The following AGBL1 variants were observed in gnomAD, a reference collection of about 807,000 sequenced individuals.
The protein encoded by AGBL1 is AGBL carboxypeptidase 1.
AGBL1 carries 130 observed loss-of-function variants against 118.9 expected under a neutral mutation model. The observed-to-expected ratio is 1.09, with a 90% CI of 0.95 to 1.26. AGBL1 has a LOEUF of 1.26. AGBL1 is among the 50% of genes most tolerant of loss of function. The probability of loss-of-function intolerance (pLI) is 0.00; values close to 1 mark genes in which losing one functional copy is unlikely to be tolerated. For synonymous variants in AGBL1, 555 were observed against 478.9 expected, an observed-to-expected ratio of 1.16 and a Z score of -2.08; for missense variants, 1,584 against 1,298.1, an observed-to-expected ratio of 1.22 and a Z score of -3.38.
At chr15:86,579,582 G>A (rs1476072330) in intron 21 of AGBL1, among the ~76,000 whole-genome samples, 1 of 152,098 alleles carries the variant, frequency 6.6e-6, no homozygotes, top group Admixed American at 6.6e-5. Flanking sequence ...GCAGAAGTAA[G>A]CAATGGTCAG....
At chr15:86,679,869 C>T (rs1445245647) in intron 22 of AGBL1, among the ~76,000 whole-genome samples, 1 of 151,990 alleles carries the variant, frequency 6.6e-6, no homozygotes, top group Non-Finnish European at 1.5e-5. Flanking sequence ...CTTTACATTT[C>T]TAAGGAAAAT....
chr15:86,490,586 AT>A (rs1394434128), intron 18 of AGBL1, among the ~76,000 whole-genome samples: 3 of 152,050 alleles, frequency 2.0e-5, no homozygotes, highest in African/African-American at 7.2e-5. Context: ...GACAATACCA[AT>A]GTTCTAGAAC....
chr15:86,246,232 G>A (rs2078718900), intron 6 of AGBL1, among the ~76,000 whole-genome samples: 1 of 152,188 alleles, frequency 6.6e-6, no homozygotes, highest in Admixed American at 6.5e-5. Flanking sequence ...AAGAGTGGCT[G>A]TAAGCCACTG....
intron 22 of AGBL1, among the ~76,000 whole-genome samples, chr15:86,849,780 C>A (rs1175327130): frequency 1.3e-5 from 2 of 152,208 alleles, no homozygotes; most frequent in Non-Finnish European, 2.9e-5. Context: ...AGATCCTCAT[C>A]CTAGGCAGCG....
At chr15:86,608,711 C>A (rs2084618028) in intron 21 of AGBL1, among the ~76,000 whole-genome samples, 1 of 152,200 alleles carries the variant, frequency 6.6e-6, no homozygotes, top group African/African-American at 2.4e-5. Flanking sequence ...AGAACAGCTG[C>A]TATTCAGTGT....
chr15:86,353,997 C>A (rs2080672558), intron 17 of AGBL1, among the ~76,000 whole-genome samples: 1 of 152,142 alleles, frequency 6.6e-6, no homozygotes, highest in Non-Finnish European at 1.5e-5. Context: ...CAGAACAATA[C>A]TTTAATTTCA....
chr15:86,676,982 C>T (rs948131336), intron 22 of AGBL1, among the ~76,000 whole-genome samples: 1 of 152,096 alleles, frequency 6.6e-6, no homozygotes, highest in Non-Finnish European at 1.5e-5. Context: ...TGGCACTGCA[C>T]TCCAGCCTGG....
At chr15:86,529,634 G>A (rs867105999) in intron 19 of AGBL1, among the ~76,000 whole-genome samples, 144 of 135,092 alleles carry the variant, frequency 1.1e-3, no homozygotes, top group African/African-American at 4.5e-3. Context: ...CTCGAGAAGA[G>A]CAACTCCAAG....
intron 22 of AGBL1, among the ~76,000 whole-genome samples, chr15:86,727,287 T>C (rs1422923425): frequency 6.6e-6 from 1 of 152,148 alleles, no homozygotes; most frequent in Non-Finnish European, 1.5e-5. Context: ...AGGGAGACTC[T>C]CTTGGCCAGG....
chr15:86,810,899 G>T (rs140576897), intron 22 of AGBL1, among the ~76,000 whole-genome samples: 1 of 152,172 alleles, frequency 6.6e-6, no homozygotes, highest in Non-Finnish European at 1.5e-5. Flanking sequence ...AGCTCTGGAG[G>T]GGAAATTGTT....
intron 18 of AGBL1, among the ~76,000 whole-genome samples, chr15:86,402,463 G>C (rs1371171787): frequency 2.6e-5 from 4 of 152,032 alleles, no homozygotes; most frequent in African/African-American, 7.2e-5. Flanking sequence ...TCTGATTGCT[G>C]TGGCTAGGAC....
chr15:86,619,326 A>C (rs182560258), intron 21 of AGBL1, among the ~76,000 whole-genome samples: 1 of 152,288 alleles, frequency 6.6e-6, no homozygotes, highest in Admixed American at 6.5e-5. Context: ...TCACTTACTA[A>C]TGTGGAAGAG....
At chr15:86,943,814 A>C (rs1342451867) in intron 23 of AGBL1, among the ~76,000 whole-genome samples, 2 of 152,240 alleles carry the variant, frequency 1.3e-5, no homozygotes, top group East Asian at 1.9e-4. Flanking sequence ...TTTTTATTAA[A>C]GGGAAACCTT....
intron 23 of AGBL1, among the ~76,000 whole-genome samples, chr15:86,979,189 A>G (rs998594452): frequency 4.6e-5 from 7 of 152,212 alleles, no homozygotes; most frequent in South Asian, 2.1e-4. Flanking sequence ...AAATGTGTCT[A>G]TCTGAGCAAT....
At chr15:86,536,138 C>T (rs1354322307) in intron 19 of AGBL1, among the ~76,000 whole-genome samples, 1 of 152,106 alleles carries the variant, frequency 6.6e-6, no homozygotes, top group Non-Finnish European at 1.5e-5. Flanking sequence ...TTTACCATAC[C>T]AGAAACCAAG....
intron 20 of AGBL1, among the ~76,000 whole-genome samples, chr15:86,549,308 T>C (rs914947808): frequency 6.6e-6 from 1 of 152,040 alleles, no homozygotes; most frequent in Admixed American, 6.5e-5. Flanking sequence ...TACAAATCAA[T>C]CAACAGAGAG....
intron 21 of AGBL1, among the ~76,000 whole-genome samples, chr15:86,606,982 C>T (rs534335013): frequency 2.6e-5 from 1 of 38,820 alleles, no homozygotes; most frequent in African/African-American, 8.5e-5. Flanking sequence ...TTCCTTCTTT[C>T]CCTTGGTGGA....
chr15:86,934,036 T>C (rs933653674), intron 23 of AGBL1, among the ~76,000 whole-genome samples: 24 of 152,262 alleles, frequency 1.6e-4, no homozygotes, highest in African/African-American at 5.1e-4. Flanking sequence ...ATCTCAGTTA[T>C]AGAAACAAAA....
chr15:86,781,652 T>C (rs28627991), intron 22 of AGBL1, among the ~76,000 whole-genome samples: 3,449 of 152,242 alleles, frequency 0.023, 139 homozygotes, highest in African/African-American at 0.079. Context: ...CTTAAAGAAC[T>C]TTTATATCTG....
Sources: gnomAD v4.1 joint callset for allele counts (sites outside exome capture counted in the v4.1 genomes callset) on GRCh38, gnomAD v4.1.1 for gene constraint, MANE v1.5 for transcripts, NCBI Gene and HGNC (gene_info 2026-07-23, HGNC 2026-07-21) for gene names.